Variants in ITGA8 observed in about 807,000 individuals in gnomAD.
The protein encoded by ITGA8 is integrin subunit alpha 8.
In ITGA8, 91 loss-of-function variants were observed where a neutral mutation model predicts 142.3. The observed-to-expected ratio is 0.64, with a 90% CI of 0.54 to 0.76. The LOEUF (loss-of-function observed/expected upper bound fraction) is 0.76. ITGA8 is among the 30% of genes least tolerant of loss of function. The pLI is 0.00. For synonymous variants in ITGA8, 505 were observed against 485.2 expected (o/e 1.04, Z -0.54); for missense variants, 1,406 against 1,327.7 (o/e 1.06, Z -0.92).
intron 21 of ITGA8, among the ~76,000 whole-genome samples, chr10:15,592,505 C>G (rs1423909464): frequency 6.6e-6 from 1 of 152,236 alleles, no homozygotes; most frequent in Non-Finnish European, 1.5e-5. Context: ...CAGGTTGGTT[C>G]TCTCTCTCCA....
At chr10:15,694,238 T>G (rs1194107800) in intron 2 of ITGA8, among the ~76,000 whole-genome samples, 8 of 135,958 alleles carry the variant, frequency 5.9e-5, no homozygotes, top group African/African-American at 8.2e-5. Context: ...TATGATAATA[T>G]ATCATATATA....
chr10:15,623,970 T>A (rs1317719571), intron 13 of ITGA8, among the ~76,000 whole-genome samples: 1 of 152,198 alleles, frequency 6.6e-6, no homozygotes. Context: ...TGCACTCAGC[T>A]CGGTGCATTT....
intron 2 of ITGA8, among the ~76,000 whole-genome samples, chr10:15,699,488 AG>A (rs1257396723): frequency 6.6e-6 from 1 of 152,242 alleles, no homozygotes; most frequent in Non-Finnish European, 1.5e-5. Flanking sequence ...ATACATACAT[AG>A]ATCAGTCTAG....
At chr10:15,565,552 T>C (rs1293567511) in intron 25 of ITGA8, among the ~76,000 whole-genome samples, 1 of 145,364 alleles carries the variant, frequency 6.9e-6, no homozygotes, top group Non-Finnish European at 1.5e-5. Flanking sequence ...TACTAAATAA[T>C]CTTCTTCCTT....
intron 13 of ITGA8, among the ~76,000 whole-genome samples, chr10:15,630,820 T>G (rs559232821): frequency 6.6e-6 from 1 of 152,130 alleles, no homozygotes; most frequent in East Asian, 1.9e-4. Flanking sequence ...ATTCCTTATA[T>G]CCTATTTTTT....
At chr10:15,543,888 A>G (rs1040869721) in intron 27 of ITGA8, among the ~76,000 whole-genome samples, 1 of 152,174 alleles carries the variant, frequency 6.6e-6, no homozygotes, top group Non-Finnish European at 1.5e-5. Flanking sequence ...TCCTTATAAG[A>G]AACAGAAGAC....
chr10:15,602,688 T>C (rs938596406), intron 20 of ITGA8, among the ~76,000 whole-genome samples: 1 of 151,580 alleles, frequency 6.6e-6, no homozygotes, highest in Non-Finnish European at 1.5e-5. Flanking sequence ...TAGTGAGCTA[T>C]GATCACGCTG....
rs1464383931 is a variant in ITGA8 at position 15,683,906 on chromosome 10, T to C, written c.568+98A>G. Reference sequence around the variant, plus strand: ...CCCCGAAGCTTTTTCCTTGCAACCCTGTAAGTTATCAATGGTGTTTTGAGC... The same window carrying C: ...CCCCGAAGCTTTTTCCTTGCAACCCCGTAAGTTATCAATGGTGTTTTGAGC... On this transcript the variant is annotated intron_variant, in intron 4 of 29. Transcript: ENST00000378076. The C allele has an allele frequency of 2.1e-6, 3 of 1,434,270 alleles. No individual in the cohort carries two copies. The African/African-American group carries it at 4.3e-5, about 20-fold the overall frequency. 88.8% of individuals were successfully genotyped at this position (1,434,270 alleles called of 1,614,324 possible).
At chr10:15,675,448 A>C (rs1292773684) in intron 6 of ITGA8, among the ~76,000 whole-genome samples, 1 of 152,178 alleles carries the variant, frequency 6.6e-6, no homozygotes, top group Non-Finnish European at 1.5e-5. Context: ...TTGCCTCCAA[A>C]GTATTTCTCA....
chr10:15,667,093 G>A (rs1834409782), intron 8 of ITGA8, among the ~76,000 whole-genome samples: 1 of 152,182 alleles, frequency 6.6e-6, no homozygotes. Flanking sequence ...AGAAGGAATG[G>A]TACCAGCTCC....
chr10:15,568,770 A>G (rs1217624901), intron 25 of ITGA8, among the ~76,000 whole-genome samples: 1 of 152,246 alleles, frequency 6.6e-6, no homozygotes, highest in Non-Finnish European at 1.5e-5. Context: ...TGTAAGGAAA[A>G]TAACAATGTC....
At chr10:15,544,019 G>C (rs911990454) in intron 27 of ITGA8, among the ~76,000 whole-genome samples, 33 of 152,324 alleles carry the variant, frequency 2.2e-4, no homozygotes, top group African/African-American at 7.9e-4. Context: ...GAGGGGCCAG[G>C]CCTGGTGGTT....
At chr10:15,689,159 C>T (rs956496324) in intron 2 of ITGA8, among the ~76,000 whole-genome samples, 1 of 152,058 alleles carries the variant, frequency 6.6e-6, no homozygotes, top group African/African-American at 2.4e-5. Context: ...GACACAAAAT[C>T]AACATACAAA....
chr10:15,659,538 A>T (rs1834247080), intron 9 of ITGA8, among the ~76,000 whole-genome samples: 1 of 152,238 alleles, frequency 6.6e-6, no homozygotes, highest in African/African-American at 2.4e-5. Flanking sequence ...AACTTTATTT[A>T]AAATGTTTTT....
At chr10:15,545,684 G>GTT (rs35907315) in intron 27 of ITGA8, among the ~76,000 whole-genome samples, 107 of 149,358 alleles carry the variant, frequency 7.2e-4, no homozygotes, top group Middle Eastern at 3.5e-3. Flanking sequence ...TAGTTTGCCT[G>GTT]TTTTTTTTTT....
At chr10:15,664,114 G>A (rs1331657865) in intron 8 of ITGA8, among the ~76,000 whole-genome samples, 1 of 152,128 alleles carries the variant, frequency 6.6e-6, no homozygotes, top group Non-Finnish European at 1.5e-5. Flanking sequence ...AGAATCTTAG[G>A]AGGTAGACAA....
At chr10:15,533,186 C>T (rs1170331362) in intron 27 of ITGA8, among the ~76,000 whole-genome samples, 2 of 152,096 alleles carry the variant, frequency 1.3e-5, no homozygotes, top group African/African-American at 4.8e-5. Context: ...TTTTTTTCTC[C>T]ATTAGATAAA....
chr10:15,655,478 C>T, intron 10 of ITGA8, 72 bp from the exon 11 acceptor site: 1 of 994,416 alleles, frequency 1.0e-6, no homozygotes, highest in Admixed American at 1.8e-5. Flanking sequence ...TCTATTATTC[C>T]TGAAAGATTC....
chr10:15,582,295 A>G (rs1309942902), intron 23 of ITGA8, among the ~76,000 whole-genome samples: 1 of 152,202 alleles, frequency 6.6e-6, no homozygotes, highest in Non-Finnish European at 1.5e-5. Flanking sequence ...ACCAGATACA[A>G]TTAGCTTATA....
Sources: allele counts gnomAD v4.1 joint callset (sites outside exome capture counted in the v4.1 genomes callset), GRCh38; gene constraint gnomAD v4.1.1; transcripts MANE v1.5; gene names NCBI Gene and HGNC (gene_info 2026-07-23, HGNC 2026-07-21).